The following ADGRF4 variants were observed in gnomAD, a reference collection of about 807,000 sequenced individuals.
ADGRF4 encodes the protein G-protein coupled receptor PGR18.
A neutral mutation model predicts 58.5 loss-of-function variants in ADGRF4; 63 were observed. The observed-to-expected ratio is 1.08, with a 90% CI of 0.88 to 1.33. The LOEUF is 1.33. Ranked by LOEUF, ADGRF4 falls within the 40% of genes most tolerant of loss-of-function variation. ADGRF4 has a pLI of 0.00. For synonymous variants in ADGRF4, 313 were observed against 295.4 expected (o/e 1.06, Z -0.61); for missense variants, 931 against 843.9 (o/e 1.10, Z -1.28).
At chr6:47,717,197 C>T (rs1772041485) in intron 7 of ADGRF4, 95 bp from the exon 8 acceptor site, 1 of 857,226 alleles carries the variant, frequency 1.2e-6, no homozygotes, top group African/African-American at 1.6e-5. Flanking sequence ...GATATTGCTT[C>T]TGCCAGGGTT....
At chr6:47,718,350 A>G (rs1012424330) in intron 8 of ADGRF4, 39 bp from the exon 9 acceptor site, 3 of 1,055,504 alleles carry the variant, frequency 2.8e-6, no homozygotes, top group Non-Finnish European at 4.5e-6. Context: ...TGTCAATATA[A>G]TTACTCATTA....
At position 47,701,120 on chromosome 6, in the gene ADGRF4, AG is replaced by A. The variant is rs1172717156; in HGVS notation, c.-17+2328del. On this transcript the variant is annotated intron_variant, in intron 1 of 9. Coordinates refer to ENST00000283303, the MANE Select transcript of ADGRF4 (RefSeq NM_153838.5). The stretch of plus-strand genomic sequence containing the variant: ...TAGACACATTCACCCTGGGACAATC[AG>A]GTCTAGCTGTGTTTGCCTGTAACTC... 2.0e-5 allele frequency among the ~76,000 whole-genome samples: 3 copies of A among 152,156 alleles called. No homozygotes were observed. The East Asian group carries it at 5.8e-4, about 29-fold the overall frequency.
intron 1 of ADGRF4, among the ~76,000 whole-genome samples, chr6:47,700,935 T>G (rs13200183): frequency 6.6e-6 from 1 of 152,034 alleles, no homozygotes; most frequent in African/African-American, 2.4e-5. Flanking sequence ...ATCAGGTGTT[T>G]ACATTTTTTT....
In ADGRF4 at chr6:47,707,230, G is replaced by A. The variant is rs1424499784; in HGVS notation, c.-16G>A. 5 of 1,554,214 alleles carry A rather than the reference G, an allele frequency of 3.2e-6. No homozygotes were observed. The African/African-American group carries it at 4.1e-5, about 13-fold the overall frequency. On this transcript the variant is annotated splice_region_variant and 5_prime_UTR_variant, in exon 2 of 10. In the 5' UTR this introduces an upstream ATG that the reference lacks. Transcript: ENST00000283303. ...GGTATGCCTTCTTTCTCTATTGCAG[G>A]TGAAGATCCTCATGTATGAAAATGA...
chr6:47,716,530 A>G (rs1475775570), intron 6 of ADGRF4, among the ~76,000 whole-genome samples: 1 of 152,208 alleles, frequency 6.6e-6, no homozygotes, highest in Non-Finnish European at 1.5e-5. Flanking sequence ...AAAGTAACAT[A>G]ACTGCATAAG....
In ADGRF4 at chr6:47,712,433, A is replaced by G; in HGVS notation, c.377A>G (p.Glu126Gly). The stretch of plus-strand genomic sequence containing the variant: ...CATATTCTAGACTTTCGAGCTCCAG[A>G]GACCATTGAGAGTGTAGCTCAAGGA... ...PLHILDFRAP[E>G]TIESVAQGIR... Residue 126 changes from glutamate (E) to glycine (G), a missense_variant, in exon 5 of 10, where the codon GAG becomes GGG. Coordinates refer to ENST00000283303, the MANE Select transcript of ADGRF4 (RefSeq NM_153838.5). 6.2e-7 allele frequency: 1 copy of G among 1,614,036 alleles called. No homozygotes were observed. The highest frequency in any genetic ancestry group is 8.5e-7 in the Non-Finnish European group (1 of 1,179,872).
intron 9 of ADGRF4, among the ~76,000 whole-genome samples, chr6:47,720,349 G>A (rs1388964373): frequency 1.3e-5 from 2 of 152,142 alleles, no homozygotes; most frequent in Non-Finnish European, 2.9e-5. Flanking sequence ...AAGAATAGAG[G>A]ATCGAAGGCT....
At chr6:47,708,653 C>T (rs547899036) in intron 3 of ADGRF4, among the ~76,000 whole-genome samples, 1 of 152,282 alleles carries the variant, frequency 6.6e-6, no homozygotes, top group South Asian at 2.1e-4. Context: ...CACTCTGGTG[C>T]TGAGAACTCT....
At chr6:47,711,550 C>G (rs140268543) in intron 4 of ADGRF4, among the ~76,000 whole-genome samples, 1 of 152,186 alleles carries the variant, frequency 6.6e-6, no homozygotes, top group South Asian at 2.1e-4. Context: ...CGTAAGCCAC[C>G]GCGCCGGGCC....
At chr6:47,720,737 T>C (rs549906090) in intron 9 of ADGRF4, among the ~76,000 whole-genome samples, 1 of 152,324 alleles carries the variant, frequency 6.6e-6, no homozygotes, top group Non-Finnish European at 1.5e-5. Flanking sequence ...AGGAAGGCTC[T>C]GGGTTCCTCC....
chr6:47,711,109 T>C (rs1313372756), intron 4 of ADGRF4, among the ~76,000 whole-genome samples: 6 of 54,068 alleles, frequency 1.1e-4, no homozygotes, highest in East Asian at 5.5e-4. Context: ...AAGAAACTTT[T>C]CTCAAAAAAA....
At position 47,713,852 on chromosome 6, in the gene ADGRF4, GC is replaced by G. The variant is rs749415448; in HGVS notation, c.608del (p.Ala203ValfsTer16). The G allele has an allele frequency of 2.5e-6, 4 of 1,594,290 alleles. No homozygotes were observed. In the East Asian group the frequency reaches 8.9e-5, roughly 36 times the overall value. On this transcript the variant is annotated frameshift_variant, in exon 6 of 10. Transcript: ENST00000283303. LOFTEE classifies it high-confidence loss of function. Reference sequence around the variant, plus strand: ...CGACACAGCAGCCATTTCAAACTGGGCTTTCATTCCCAACAAAAATGCCAGC... The same window carrying G: ...CGACACAGCAGCCATTTCAAACTGGGTTTCATTCCCAACAAAAATGCCAGC... Reference protein sequence around the residue: ...ILDTAAISNWAFIPNKNASSD... With the variant: ...ILDTAAISNWXFIPNKNASSD...
chr6:47,706,478 C>G (rs1226276357), intron 1 of ADGRF4, among the ~76,000 whole-genome samples: 1 of 152,178 alleles, frequency 6.6e-6, no homozygotes, highest in Non-Finnish European at 1.5e-5. Context: ...CCTAGACAGA[C>G]AGTACACTAT....
In ADGRF4 at chr6:47,715,113, C is replaced by T. The variant is rs1310270335; in HGVS notation, c.1868C>T (p.Ala623Val). 2 of 1,605,900 alleles carry T rather than the reference C, an allele frequency of 1.2e-6. No homozygotes were observed. The highest frequency in any genetic ancestry group is 1.7e-6 in the Non-Finnish European group (2 of 1,173,024). ...GGACTGACCTGGGGTTTTGGAATAGCCACTCTCATAGAAGGCACTTCCTTG... is the reference window on the plus strand; with the variant it reads ...GGACTGACCTGGGGTTTTGGAATAGTCACTCTCATAGAAGGCACTTCCTTG... ...LLGLTWGFGI[A>V]TLIEGTSLTF... Residue 623 changes from alanine (A) to valine (V), a missense_variant, in exon 6 of 10, where the codon GCC becomes GTC. Coordinates refer to ENST00000283303, the MANE Select transcript of ADGRF4 (RefSeq NM_153838.5).
intron 6 of ADGRF4, among the ~76,000 whole-genome samples, chr6:47,715,981 G>A (rs2113906984): frequency 1.5e-5 from 1 of 66,658 alleles, no homozygotes; most frequent in East Asian, 2.2e-4. Context: ...TTGACATGAG[G>A]GATTTTTTTT....
chr6:47,712,680 T>C, intron 5 of ADGRF4, 72 bp downstream of exon 5: 2 of 1,187,056 alleles, frequency 1.7e-6, no homozygotes, highest in Non-Finnish European at 2.4e-6. Context: ...AAATATACTT[T>C]CCAGGGCAAA....
intron 5 of ADGRF4, among the ~76,000 whole-genome samples, chr6:47,712,944 C>CT (rs1298295073): frequency 6.6e-6 from 1 of 152,180 alleles, no homozygotes; most frequent in East Asian, 1.9e-4. Context: ...TGGTACCGGG[C>CT]TGTGGCCTCT....
At chr6:47,706,536 T>A (rs534396697) in intron 1 of ADGRF4, among the ~76,000 whole-genome samples, 46 of 152,336 alleles carry the variant, frequency 3.0e-4, no homozygotes, top group Middle Eastern at 3.4e-3. Flanking sequence ...CAAGGGCACA[T>A]TTGACAACAA....
intron 4 of ADGRF4, among the ~76,000 whole-genome samples, chr6:47,711,090 T>C (rs1409080257): frequency 6.9e-6 from 1 of 144,666 alleles, no homozygotes; most frequent in Admixed American, 7.3e-5. Context: ...GCTCTCTATT[T>C]CTCCCGCTAA....
Sources: allele counts gnomAD v4.1 joint callset (sites outside exome capture counted in the v4.1 genomes callset), GRCh38; gene constraint gnomAD v4.1.1; transcripts MANE v1.5; gene names NCBI Gene and HGNC (gene_info 2026-07-23, HGNC 2026-07-21).